TEX9: variants seen among roughly 807,000 people sequenced by gnomAD.
The protein encoded by TEX9 is testis expressed 9.
In TEX9, 74 loss-of-function variants were observed where a neutral mutation model predicts 59.6. That is an observed-to-expected ratio of 1.24 (90% CI 1.03 to 1.51). TEX9 has a LOEUF of 1.51. Ranked by LOEUF, TEX9 falls within the 40% of genes most tolerant of loss-of-function variation. TEX9 has a pLI of 0.00. For synonymous variants in TEX9, 186 were observed against 152.2 expected, an observed-to-expected ratio of 1.22 and a Z score of -1.64; for missense variants, 522 against 447.8, an observed-to-expected ratio of 1.17 and a Z score of -1.49.
intron 1 of TEX9, among the ~76,000 whole-genome samples, chr15:56,350,658 T>TG (rs2046559696): frequency 6.6e-6 from 1 of 152,342 alleles, no homozygotes; most frequent in East Asian, 1.9e-4. Context: ...TTCATTCTGC[T>TG]GGGGAATACA....
chr15:56,339,397 A>AAAAAAAAAC (rs1567091371), intron 1 of TEX9, among the ~76,000 whole-genome samples: 2 of 61,024 alleles, frequency 3.3e-5, no homozygotes, highest in Non-Finnish European at 4.7e-5. Context: ...AAAAAAAAAA[A>AAAAAAAAAC]AAAAAAAAAA....
upstream of TEX9, among the ~76,000 whole-genome samples, chr15:56,364,495 G>T (rs1300081276): frequency 2.7e-5 from 4 of 148,780 alleles, no homozygotes; most frequent in Non-Finnish European, 5.9e-5. Flanking sequence ...ACTGCTTTTG[G>T]TGTCATATCT....
At chr15:56,270,834 T>C (rs1363345575) in intron 1 of TEX9, among the ~76,000 whole-genome samples, 1 of 152,232 alleles carries the variant, frequency 6.6e-6, no homozygotes, top group Non-Finnish European at 1.5e-5. Flanking sequence ...GGCCTGGTGG[T>C]GATAAAATCT....
intron 1 of TEX9, among the ~76,000 whole-genome samples, chr15:56,289,781 C>T (rs2045045631): frequency 6.6e-6 from 1 of 152,098 alleles, no homozygotes; most frequent in African/African-American, 2.4e-5. Context: ...TGGACTACAG[C>T]TCTGGGATCT....
chr15:56,450,770 A>T (rs1427937291), downstream of TEX9, among the ~76,000 whole-genome samples: 1 of 152,196 alleles, frequency 6.6e-6, no homozygotes, highest in Non-Finnish European at 1.5e-5. Flanking sequence ...ATTTATGCCT[A>T]GGAGTGGAAT....
At chr15:56,370,534 C>A (rs1460692205) in intron 2 of TEX9, among the ~76,000 whole-genome samples, 1 of 152,090 alleles carries the variant, frequency 6.6e-6, no homozygotes, top group Non-Finnish European at 1.5e-5. Context: ...TCTAGATGGC[C>A]AGCTTTTCCT....
chr15:56,302,593 G>A (rs190774767), intron 1 of TEX9, among the ~76,000 whole-genome samples: 22 of 151,800 alleles, frequency 1.4e-4, no homozygotes, highest in Non-Finnish European at 2.7e-4. Flanking sequence ...AAAACATACT[G>A]CCAGAAAAAA....
intron 12 of TEX9, among the ~76,000 whole-genome samples, chr15:56,433,845 T>C (rs1301237166): frequency 2.0e-5 from 3 of 152,194 alleles, no homozygotes; most frequent in African/African-American, 7.2e-5. Flanking sequence ...GTACATGACA[T>C]ATTTATAATT....
chr15:56,450,017 C>T (rs764822414), downstream of TEX9, among the ~76,000 whole-genome samples: 3 of 152,090 alleles, frequency 2.0e-5, no homozygotes, highest in Non-Finnish European at 4.4e-5. Flanking sequence ...ATTTGTTCTA[C>T]TTTATGTTTA....
chr15:56,443,998 CTAAATA>C, intron 12 of TEX9: 1 of 667,350 alleles, frequency 1.5e-6, no homozygotes, highest in Non-Finnish European at 2.4e-6. Context: ...TTACTGTGTG[CTAAATA>C]TAATGTCAGG....
intron 1 of TEX9, among the ~76,000 whole-genome samples, chr15:56,254,852 T>A (rs1361636800): frequency 6.6e-6 from 1 of 151,490 alleles, no homozygotes; most frequent in Non-Finnish European, 1.5e-5. Context: ...ATTACATCCA[T>A]GAAAATGAAA....
intron 1 of TEX9, among the ~76,000 whole-genome samples, chr15:56,258,204 G>C (rs2044185974): frequency 6.6e-6 from 1 of 152,068 alleles, no homozygotes; most frequent in African/African-American, 2.4e-5. Flanking sequence ...CTGTAGTATA[G>C]TTTGAAGTTG....
At chr15:56,319,196 C>G (rs2045848036) in intron 1 of TEX9, among the ~76,000 whole-genome samples, 1 of 152,066 alleles carries the variant, frequency 6.6e-6, no homozygotes, top group South Asian at 2.1e-4. Flanking sequence ...GGACCAACCC[C>G]TCTGTGATGG....
At chr15:56,428,997 A>G (rs1253404562) in intron 12 of TEX9, 16 of 606,462 alleles carry the variant, frequency 2.6e-5, no homozygotes, top group Non-Finnish European at 3.6e-5. Flanking sequence ...ACAAAATCCA[A>G]ACAGACAATG....
At chr15:56,437,528 T>C (rs538925921) in intron 12 of TEX9, among the ~76,000 whole-genome samples, 4 of 152,260 alleles carry the variant, frequency 2.6e-5, no homozygotes, top group African/African-American at 9.6e-5. Flanking sequence ...GGGCAAAAAC[T>C]GGAAGCATTC....
chr15:56,411,523 A>T (rs1289078529), intron 9 of TEX9, among the ~76,000 whole-genome samples: 1 of 152,190 alleles, frequency 6.6e-6, no homozygotes, highest in Non-Finnish European at 1.5e-5. Flanking sequence ...TAGCTATGTG[A>T]AAATGAGTGG....
intron 1 of TEX9, among the ~76,000 whole-genome samples, chr15:56,248,331 C>A (rs950009841): frequency 2.0e-5 from 3 of 152,134 alleles, no homozygotes; most frequent in African/African-American, 7.2e-5. Flanking sequence ...ACAAATATGT[C>A]ATTATGTCAT....
At chr15:56,456,719 G>A in the TEX9 span, among the ~76,000 whole-genome samples, 7 of 152,016 alleles carry the variant, frequency 4.6e-5, no homozygotes, top group Non-Finnish European at 8.8e-5. Context: ...ATTGCCAATA[G>A]TAAGAAGAAT....
intron 2 of TEX9, among the ~76,000 whole-genome samples, chr15:56,366,759 C>A (rs1332486859): frequency 6.6e-6 from 1 of 152,130 alleles, no homozygotes; most frequent in African/African-American, 2.4e-5. Flanking sequence ...GAGGGTTAAA[C>A]TAGAGTTATC....
Sources: allele counts gnomAD v4.1 joint callset (sites outside exome capture counted in the v4.1 genomes callset), GRCh38; gene constraint gnomAD v4.1.1; transcripts MANE v1.5; gene names NCBI Gene and HGNC (gene_info 2026-07-23, HGNC 2026-07-21).